SPECC1: variants seen among roughly 807,000 people sequenced by gnomAD.
The protein encoded by SPECC1 is sperm antigen with calponin homology and coiled-coil domains 1.
In SPECC1, 62 loss-of-function variants were observed where a neutral mutation model predicts 104.1. That is an observed-to-expected ratio of 0.60 (90% confidence interval 0.49 to 0.74). The LOEUF is 0.74. SPECC1 is among the 30% of genes least tolerant of loss of function. The pLI is 0.00. For synonymous variants in SPECC1, 513 were observed against 501.6 expected (o/e 1.02, Z -0.30); for missense variants, 1,306 against 1,310.5 (o/e 1.00, Z 0.05).
chr17:20,163,748 A>T (rs1253586248), intron 3 of SPECC1, among the ~76,000 whole-genome samples: 1 of 151,978 alleles, frequency 6.6e-6, no homozygotes, highest in Non-Finnish European at 1.5e-5. Context: ...TTTTATAGAG[A>T]CGGGGTCTTG....
At chr17:20,265,746 A>C (rs112574871) in intron 12 of SPECC1, among the ~76,000 whole-genome samples, 2,482 of 152,264 alleles carry the variant, frequency 0.016, 49 homozygotes, top group African/African-American at 0.055. Context: ...TAAATCTGTA[A>C]TCCATTTTAA....
chr17:20,103,975 A>G (rs2048065348), intron 2 of SPECC1, among the ~76,000 whole-genome samples: 1 of 152,232 alleles, frequency 6.6e-6, no homozygotes, highest in Admixed American at 6.5e-5. Context: ...CCCATTGTTC[A>G]CATTCTTTTC....
intron 1 of SPECC1, among the ~76,000 whole-genome samples, chr17:20,037,751 T>C (rs889314466): frequency 6.6e-6 from 1 of 152,206 alleles, no homozygotes; most frequent in African/African-American, 2.4e-5. Flanking sequence ...ATTTTTTAAA[T>C]CCTTATTCTT....
intron 9 of SPECC1, among the ~76,000 whole-genome samples, 170 bp from the exon 10 acceptor site, chr17:20,253,335 C>G (rs2039701413): frequency 6.6e-6 from 1 of 152,126 alleles, no homozygotes; most frequent in African/African-American, 2.4e-5. Flanking sequence ...GGGATAGTGT[C>G]TATTGCATGT....
intron 3 of SPECC1, among the ~76,000 whole-genome samples, chr17:20,159,897 T>C (rs2032978014): frequency 6.6e-6 from 1 of 152,074 alleles, no homozygotes; most frequent in South Asian, 2.1e-4. Flanking sequence ...AGGCATCTGC[T>C]TAGAGAGTTG....
At chr17:20,109,162 T>TA (rs1010357258) in intron 2 of SPECC1, among the ~76,000 whole-genome samples, 8 of 152,326 alleles carry the variant, frequency 5.3e-5, no homozygotes, top group African/African-American at 1.7e-4. Context: ...ATGGAAACTT[T>TA]AAAAAATTGT....
At chr17:20,020,040 A>G (rs2152432514) in intron 1 of SPECC1, among the ~76,000 whole-genome samples, 1 of 152,296 alleles carries the variant, frequency 6.6e-6, no homozygotes, top group South Asian at 2.1e-4. Flanking sequence ...TGTTTTCGGA[A>G]AGAACCACTA....
intron 12 of SPECC1, among the ~76,000 whole-genome samples, chr17:20,284,220 A>G (rs1027133361): frequency 1.3e-5 from 2 of 152,238 alleles, no homozygotes; most frequent in African/African-American, 4.8e-5. Context: ...CCTGGGAACA[A>G]TATCCACTTC....
At chr17:20,051,260 C>T (rs2045766662) in intron 1 of SPECC1, among the ~76,000 whole-genome samples, 1 of 151,800 alleles carries the variant, frequency 6.6e-6, no homozygotes, top group Non-Finnish European at 1.5e-5. Flanking sequence ...ACTGCAACCT[C>T]TGCCTCCTGG....
In SPECC1 at chr17:20,268,412, C is replaced by G. The variant is rs2040287208; in HGVS notation, c.2940+8118C>G. On this transcript the variant is annotated intron_variant, in intron 12 of 14. Coordinates refer to ENST00000395527, the MANE Select transcript of SPECC1 (RefSeq NM_001243439.2). ...GTCTCTGAGTTCCCACAAACAAGCA[C>G]TAAAATCTGCTTAGCCAATAGCAAG... Among the ~76,000 whole-genome samples, 3 of 152,368 alleles carry G rather than the reference C, an allele frequency of 2.0e-5. No individual in the cohort carries two copies. The South Asian group carries it at 6.2e-4, about 32-fold the overall frequency.
intron 10 of SPECC1, among the ~76,000 whole-genome samples, chr17:20,256,491 A>G (rs1276388645): frequency 2.0e-5 from 3 of 152,088 alleles, no homozygotes; most frequent in Non-Finnish European, 4.4e-5. Flanking sequence ...GACTAGCCTC[A>G]CTCCCAACTT....
intron 3 of SPECC1, among the ~76,000 whole-genome samples, chr17:20,192,262 A>C (rs2035723404): frequency 6.6e-6 from 1 of 152,046 alleles, no homozygotes; most frequent in Non-Finnish European, 1.5e-5. Flanking sequence ...GGTGTGAGCC[A>C]TTACACCGAG....
At chr17:20,063,423 C>G (rs1440829184) in intron 1 of SPECC1, among the ~76,000 whole-genome samples, 3 of 151,924 alleles carry the variant, frequency 2.0e-5, no homozygotes, top group African/African-American at 7.2e-5. Flanking sequence ...TTTTTTCTTT[C>G]TTGATTAGAT....
At chr17:20,232,477 G>T (rs1402964668) in intron 7 of SPECC1, 72 bp downstream of exon 7, 4 of 1,484,300 alleles carry the variant, frequency 2.7e-6, no homozygotes, top group Non-Finnish European at 3.6e-6. Flanking sequence ...GTGGGGATGG[G>T]ACTCTTCATG....
At chr17:20,214,819 T>G (rs1447323770) in intron 4 of SPECC1, among the ~76,000 whole-genome samples, 1 of 152,062 alleles carries the variant, frequency 6.6e-6, no homozygotes, top group African/African-American at 2.4e-5. Flanking sequence ...GGAAAGACAT[T>G]TAGATGTTAG....
intron 7 of SPECC1, chr17:20,237,595 G>C (rs990782110): frequency 1.0e-5 from 2 of 196,314 alleles, no homozygotes; most frequent in African/African-American, 4.6e-5. Context: ...TTACAGACAT[G>C]AGCCACCGCA....
chr17:20,297,929 G>A (rs184254009), intron 13 of SPECC1, among the ~76,000 whole-genome samples: 1 of 152,340 alleles, frequency 6.6e-6, no homozygotes, highest in African/African-American at 2.4e-5. Context: ...CAAGCGAGTA[G>A]ACTTATAACA....
chr17:20,170,233 A>G (rs952192028), intron 3 of SPECC1, among the ~76,000 whole-genome samples: 1 of 152,202 alleles, frequency 6.6e-6, no homozygotes, highest in Non-Finnish European at 1.5e-5. Context: ...CTGAGGATCC[A>G]TGTTTATCTT....
intron 12 of SPECC1, among the ~76,000 whole-genome samples, chr17:20,286,802 C>T (rs1243349273): frequency 6.6e-6 from 1 of 152,210 alleles, no homozygotes; most frequent in Non-Finnish European, 1.5e-5. Context: ...CTCCTGGCTG[C>T]CCAGGGCTGG....
Sources: gnomAD v4.1 joint callset for allele counts (sites outside exome capture counted in the v4.1 genomes callset) on GRCh38, gnomAD v4.1.1 for gene constraint, MANE v1.5 for transcripts, NCBI Gene and HGNC (gene_info 2026-07-23, HGNC 2026-07-21) for gene names.